Variants in ABCA9 observed in about 807,000 individuals in gnomAD.
The protein encoded by ABCA9 is ATP binding cassette subfamily A member 9.
In ABCA9, 183 loss-of-function variants were observed where a neutral mutation model predicts 205.3. The observed-to-expected ratio is 0.89, with a 90% CI of 0.79 to 1.01. The LOEUF (loss-of-function observed/expected upper bound fraction) is 1.01, where lower values mean the gene tolerates loss of function less well. Ranked by LOEUF, ABCA9 falls within the 50% of genes least tolerant of loss-of-function variation. The pLI, the probability that ABCA9 is intolerant of heterozygous loss-of-function variation, is 0.00. For missense variants in ABCA9, 1,805 were observed against 1,912.4 expected, an observed-to-expected ratio of 0.94 and a Z score of 1.05; for synonymous variants, 651 against 683.3, an observed-to-expected ratio of 0.95 and a Z score of 0.74.
chr17:68,997,509 A>G (rs2069661713), intron 25 of ABCA9, among the ~76,000 whole-genome samples: 1 of 149,628 alleles, frequency 6.7e-6, no homozygotes, highest in African/African-American at 2.5e-5. Flanking sequence ...CTTTTCTTGA[A>G]TTCTTTATTT....
chr17:69,066,820 A>G, the ABCA9 span, among the ~76,000 whole-genome samples: 1 of 152,150 alleles, frequency 6.6e-6, no homozygotes, highest in African/African-American at 2.4e-5. Context: ...GGAGAGTGGA[A>G]GATTGCCTTA....
In ABCA9 at chr17:69,045,280, A is replaced by C; in HGVS notation, c.361T>G (p.Tyr121Asp). 1 of 1,613,070 alleles carries C rather than the reference A, an allele frequency of 6.2e-7. No homozygotes were observed. ...ATGACTCTCACTGCGTCTATTGAATAGTTCAAATCCAATTCATCCATGCTT... is the reference window on the plus strand; with the variant it reads ...ATGACTCTCACTGCGTCTATTGAATCGTTCAAATCCAATTCATCCATGCTT... ...EKSMDELDLN[Y>D]SIDAVRVIFT... Residue 121 changes from tyrosine (Y) to aspartate (D), a missense_variant, in exon 4 of 39, where the codon TAT becomes GAT. Tyr to Asp is a radical substitution (Grantham distance 160). Transcript: ENST00000340001.
At chr17:68,992,567 A>C (rs1439417512) in intron 27 of ABCA9, 1 of 229,060 alleles carries the variant, frequency 4.4e-6, no homozygotes, top group African/African-American at 2.3e-5. Context: ...TAATCCCAGC[A>C]CTTTGGGAGG....
chr17:69,045,318 C>G lies in ABCA9; in HGVS notation c.323G>C (p.Trp108Ser), dbSNP rs752751426. The change falls in exon 4 of 39, where the codon TGG becomes TCG. Residue 108 changes from tryptophan to serine, a missense_variant. Trp to Ser is a radical substitution (Grantham distance 177). Coordinates refer to ENST00000340001, the MANE Select transcript of ABCA9 (RefSeq NM_080283.4). ...PFLKGRTIMG[W>S]PDEKSMDELD... is the part of the protein sequence containing the mutation. ...TTCATCCATGCTTTTTTCATCAGGC[C>G]ACCCCATGATTGTTCTTCCTGCCAT... The G allele has an allele frequency of 7.4e-6, 12 of 1,610,810 alleles. No homozygotes were observed. The highest frequency in any genetic ancestry group is 9.3e-6 in the Non-Finnish European group (11 of 1,178,592).
At chr17:69,036,556 A>G (rs2071344812) in intron 6 of ABCA9, among the ~76,000 whole-genome samples, 1 of 152,138 alleles carries the variant, frequency 6.6e-6, no homozygotes, top group Non-Finnish European at 1.5e-5. Flanking sequence ...GAAAAAACCA[A>G]TAGCAGCTAC....
the ABCA9 span, among the ~76,000 whole-genome samples, chr17:69,072,443 A>G: frequency 7.9e-5 from 12 of 152,220 alleles, no homozygotes; most frequent in Admixed American, 6.5e-5. Context: ...GACAATATTC[A>G]ACATTCTTAA....
At chr17:69,047,031 G>A (rs573912582) in intron 3 of ABCA9, among the ~76,000 whole-genome samples, 8 of 150,024 alleles carry the variant, frequency 5.3e-5, no homozygotes, top group Non-Finnish European at 1.2e-4. Context: ...GCACGATCTC[G>A]GCTCACTGCA....
In ABCA9 at chr17:69,027,030, C is replaced by T; in HGVS notation, c.1996G>A (p.Asp666Asn). Residue 666 changes from aspartate (D) to asparagine (N), a missense_variant, in exon 15 of 39, where the codon GAC becomes AAC. Transcript: ENST00000340001. Reference protein sequence around the residue: ...IWNLLKEGKSDRVILFSTQFI... With the variant: ...IWNLLKEGKSNRVILFSTQFI... ...TGGGTGCTGAAGAGAATTACTCTGT[C>T]TGATTTCCCCTCTTTCAGGAGATTC... 2 of 1,614,148 alleles carry T rather than the reference C, an allele frequency of 1.2e-6. No individual in the cohort carries two copies. The highest frequency in any genetic ancestry group is 1.7e-6 in the Non-Finnish European group (2 of 1,179,988).
intron 23 of ABCA9, among the ~76,000 whole-genome samples, chr17:69,010,701 A>AATG (rs1241399386): frequency 2.0e-5 from 3 of 152,302 alleles, no homozygotes; most frequent in African/African-American, 4.8e-5. Flanking sequence ...TTAGGCAAGG[A>AATG]ATGATGATGA....
chr17:68,990,101 A>G (rs896013804), intron 29 of ABCA9, among the ~76,000 whole-genome samples, 171 bp from the exon 30 acceptor site: 2 of 152,248 alleles, frequency 1.3e-5, no homozygotes, highest in Non-Finnish European at 2.9e-5. Context: ...TCCTGCAAGG[A>G]AAGGGCATTT....
At chr17:69,068,915 C>T in the ABCA9 span, among the ~76,000 whole-genome samples, 1 of 152,114 alleles carries the variant, frequency 6.6e-6, no homozygotes, top group South Asian at 2.1e-4. Flanking sequence ...ATGATCAGAG[C>T]TAAGTTCCCT....
chr17:68,983,820 C>G lies in ABCA9; in HGVS notation c.4529G>C (p.Ser1510Thr). The stretch of plus-strand genomic sequence containing the variant: ...CAGCAGGTAGTCTTTGCCAAATTTG[C>G]TTTTCAGGTGTTGGATGGAACCAAT... ...RCIGSIQHLK[S>T]KFGKDYLLEM... Residue 1510 changes from serine to threonine, a missense_variant, in exon 36 of 39, where the codon AGC becomes ACC. By Grantham distance (58) the Ser-to-Thr change is moderately conservative. Coordinates refer to ENST00000340001, the MANE Select transcript of ABCA9 (RefSeq NM_080283.4). 1 of 1,614,142 alleles carries G rather than the reference C, an allele frequency of 6.2e-7. No individual in the cohort carries two copies. The highest frequency in any genetic ancestry group is 8.5e-7 in the Non-Finnish European group (1 of 1,180,032).
chr17:69,053,405 T>TA (rs1406604932), intron 1 of ABCA9, among the ~76,000 whole-genome samples: 1 of 152,198 alleles, frequency 6.6e-6, no homozygotes, highest in Non-Finnish European at 1.5e-5. Flanking sequence ...ACAAGGGTTT[T>TA]AGAGGTTTTG....
chr17:69,058,075 A>G (rs1303891385), intron 1 of ABCA9, among the ~76,000 whole-genome samples: 1 of 152,212 alleles, frequency 6.6e-6, no homozygotes, highest in Non-Finnish European at 1.5e-5. Flanking sequence ...CTGATAAAGA[A>G]AACGTAAGAC....
chr17:68,986,850 T>C (rs7223763), intron 31 of ABCA9: 7,601 of 152,338 alleles, frequency 0.05, 424 homozygotes, highest in African/African-American at 0.13. Context: ...CCAAACATCC[T>C]ACTATGCACA....
At chr17:68,994,845 T>C (rs2069564924) in intron 26 of ABCA9, among the ~76,000 whole-genome samples, 1 of 152,228 alleles carries the variant, frequency 6.6e-6, no homozygotes, top group Non-Finnish European at 1.5e-5. Context: ...AACCTCTATC[T>C]CTCTTTTCCA....
At chr17:69,001,871 T>C (rs1030599066) in intron 25 of ABCA9, among the ~76,000 whole-genome samples, 2 of 152,146 alleles carry the variant, frequency 1.3e-5, no homozygotes, top group African/African-American at 4.8e-5. Context: ...AAGGAATTTA[T>C]CCATTTCTTC....
At chr17:69,038,243 A>C (rs574717066) in intron 6 of ABCA9, among the ~76,000 whole-genome samples, 1 of 152,280 alleles carries the variant, frequency 6.6e-6, no homozygotes, top group Admixed American at 6.5e-5. Flanking sequence ...CTGATACCAA[A>C]ACCTGGCAGA....
Position 69,043,730 on chromosome 17 carries a change from C to A in ABCA9, c.574-15G>T. On this transcript the variant is annotated splice_polypyrimidine_tract_variant and intron_variant, in intron 5 of 38. Transcript: ENST00000340001. ...TTTGTTGCGATCTGAAGAAAGATAT[C>A]AATGAACAAATTGTTATCATCAATC... 1 of 1,560,748 alleles carries A rather than the reference C, an allele frequency of 6.4e-7. No homozygotes were observed. Among genetic ancestry groups the A allele is most frequent in the Non-Finnish European group, 8.7e-7 (1 of 1,154,100 alleles).
Sources: allele counts gnomAD v4.1 joint callset (sites outside exome capture counted in the v4.1 genomes callset), GRCh38; gene constraint gnomAD v4.1.1; transcripts MANE v1.5; gene names NCBI Gene and HGNC (gene_info 2026-07-23, HGNC 2026-07-21).